IGSF5: variants seen among roughly 807,000 people sequenced by gnomAD.
The protein encoded by IGSF5 is immunoglobulin superfamily 5 like.
In IGSF5, 41 loss-of-function variants were observed where a neutral mutation model predicts 39.4. That is an observed-to-expected ratio of 1.04 (90% confidence interval 0.81 to 1.35). The LOEUF is 1.35. IGSF5 is among the 40% of genes most tolerant of loss of function. The pLI is 0.00. For missense variants in IGSF5, 487 were observed against 494.6 expected (o/e 0.98, Z 0.15); for synonymous variants, 183 against 175.3 (o/e 1.04, Z -0.34).
intron 3 of IGSF5, 79 bp downstream of exon 3, chr21:39,765,931 G>A (rs1002389501): frequency 1.3e-4 from 170 of 1,298,276 alleles, no homozygotes; most frequent in South Asian, 2.2e-4. Context: ...TTCATGCCGC[G>A]TATGATGGCA....
Position 39,793,581 on chromosome 21 carries a change from C to T in IGSF5, c.1096C>T (p.Gln366Ter), listed in dbSNP as rs2086977789. The T allele has an allele frequency of 1.9e-6, 3 of 1,614,066 alleles. No individual in the cohort carries two copies. The highest frequency in any genetic ancestry group is 2.7e-5 in the African/African-American group (2 of 75,050). Reference protein sequence around the residue: ...PKSCESSDPEQRNSSCGPPHQ... With the variant: ...PKSCESSDPE ...ATCCTGTGAATCCAGTGATCCTGAA[C>T]AAAGAAACAGTAGCTGTGGCCCTCC... The change falls in exon 8 of 9, where the codon CAA (glutamine) becomes TAA (stop). Residue 366 changes from glutamine to a stop codon, truncating the protein, a stop_gained. Transcript: ENST00000380588. LOFTEE classifies it low-confidence loss of function (END_TRUNC).
chr21:39,769,467 CAAAAAAAA>C (rs34427585), intron 3 of IGSF5, among the ~76,000 whole-genome samples: 10 of 79,832 alleles, frequency 1.3e-4, no homozygotes, highest in Middle Eastern at 7.2e-3. Context: ...AAGTCTGTCT[CAAAAAAAA>C]AAAAAAAAAA....
the IGSF5 span, among the ~76,000 whole-genome samples, chr21:39,719,778 T>A: frequency 9.8e-5 from 15 of 152,350 alleles, no homozygotes; most frequent in Admixed American, 1.3e-4. Context: ...TTTGGCTTGG[T>A]GTTCATGTGT....
chr21:39,765,920 G>A lies in IGSF5; in HGVS notation c.418+68G>A, dbSNP rs544385623. 12 of 1,431,560 alleles carry A rather than the reference G, an allele frequency of 8.4e-6. No homozygotes were observed. In the East Asian group the frequency reaches 2.9e-4, roughly 35 times the overall value. 88.7% of individuals were successfully genotyped at this position (1,431,560 alleles called of 1,614,324 possible). A position where few individuals can be genotyped will look rare whatever the true frequency, so the allele number is the denominator to read the frequency against. ...CAGAGGGCAGGAAGGACCTTCTAAAGTTCATGCCGCGTATGATGGCAGACG... is the reference window on the plus strand; with the variant it reads ...CAGAGGGCAGGAAGGACCTTCTAAAATTCATGCCGCGTATGATGGCAGACG... On this transcript the variant is annotated intron_variant, in intron 3 of 8. Coordinates refer to ENST00000380588, the MANE Select transcript of IGSF5 (RefSeq NM_001080444.2).
chr21:39,715,683 T>C, the IGSF5 span, among the ~76,000 whole-genome samples: 1 of 152,248 alleles, frequency 6.6e-6, no homozygotes, highest in African/African-American at 2.4e-5. Context: ...TCTTGTATAG[T>C]ACACAGAGTG....
chr21:39,756,003 G>T (rs1405764478), intron 2 of IGSF5, among the ~76,000 whole-genome samples: 1 of 152,008 alleles, frequency 6.6e-6, no homozygotes, highest in Non-Finnish European at 1.5e-5. Context: ...AGGCAGGAGA[G>T]TTGCTTGAAC....
At chr21:39,797,878 A>G (rs1446501524) in intron 8 of IGSF5, among the ~76,000 whole-genome samples, 10 of 152,250 alleles carry the variant, frequency 6.6e-5, no homozygotes, top group Non-Finnish European at 1.5e-4. Context: ...TTAGATCACT[A>G]TAGATGAATA....
At chr21:39,795,996 T>C (rs1408927883) in intron 8 of IGSF5, among the ~76,000 whole-genome samples, 1 of 152,174 alleles carries the variant, frequency 6.6e-6, no homozygotes, top group Non-Finnish European at 1.5e-5. Context: ...GAGGTCTATC[T>C]TTGATTATGA....
At chr21:39,781,742 T>G (rs2080171644) in intron 5 of IGSF5, among the ~76,000 whole-genome samples, 2 of 152,248 alleles carry the variant, frequency 1.3e-5, no homozygotes, top group Non-Finnish European at 2.9e-5. Context: ...GTTGAACTAC[T>G]GTTCCATCTT....
In IGSF5 at chr21:39,746,264, G is replaced by A. The variant is rs186976027; in HGVS notation, c.66G>A (p.Ala22=). The A allele has an allele frequency of 1.0e-5, 7 of 701,638 alleles. No individual in the cohort carries two copies. In the Admixed American group the frequency reaches 1.0e-4, roughly 10 times the overall value. 43.5% of individuals were successfully genotyped at this position (701,638 alleles called of 1,614,324 possible). ...LPDLEEWKSA[A]GLRWWQTAVV... ...ATCTGGAGGAATGGAAGTCAGCGGC[G>A]GGTCTGCGATGGTGGCAAACAGCAG... The change falls in exon 2 of 9, where the codon GCG becomes GCA. Residue 22 remains alanine, a synonymous_variant. Transcript: ENST00000380588.
At chr21:39,753,380 G>A (rs1458668321) in intron 2 of IGSF5, among the ~76,000 whole-genome samples, 6 of 152,172 alleles carry the variant, frequency 3.9e-5, no homozygotes, top group Admixed American at 3.9e-4. Context: ...GTACCAAGCT[G>A]TTTTGGTAAG....
intron 4 of IGSF5, among the ~76,000 whole-genome samples, 198 bp downstream of exon 4, chr21:39,771,413 AG>A (rs1239093487): frequency 2.0e-5 from 3 of 152,186 alleles, no homozygotes; most frequent in Non-Finnish European, 2.9e-5. Flanking sequence ...TCCATCTTAA[AG>A]TTTTTTTTCT....
chr21:39,742,841 C>T (rs576134207), upstream of IGSF5, among the ~76,000 whole-genome samples: 3 of 152,072 alleles, frequency 2.0e-5, no homozygotes, highest in East Asian at 1.9e-4. Flanking sequence ...TATAAAAAAG[C>T]GAGGTTGCCA....
chr21:39,759,206 T>C (rs1024620847), intron 2 of IGSF5, among the ~76,000 whole-genome samples: 3 of 152,262 alleles, frequency 2.0e-5, no homozygotes, highest in Admixed American at 2.0e-4. Flanking sequence ...GTGTGTTGCC[T>C]GCCTAAGAAA....
chr21:39,786,658 C>T (rs1027093013), intron 5 of IGSF5, among the ~76,000 whole-genome samples: 29 of 151,696 alleles, frequency 1.9e-4, no homozygotes, highest in African/African-American at 4.1e-4. Flanking sequence ...CACATGCACA[C>T]GTATGTTTAT....
At chr21:39,748,795 G>T (rs1453975042) in intron 2 of IGSF5, among the ~76,000 whole-genome samples, 1 of 135,086 alleles carries the variant, frequency 7.4e-6, no homozygotes. Flanking sequence ...TTAATGGAGT[G>T]GTTGTGGTCA....
Position 39,745,446 on chromosome 21 carries a change from T to A in IGSF5, c.-64T>A. 1.4e-6 allele frequency: 1 copy of A among 706,756 alleles called. No homozygotes were observed. The highest frequency in any genetic ancestry group is 2.6e-6 in the Non-Finnish European group (1 of 383,242). 43.8% of individuals were successfully genotyped at this position (706,756 alleles called of 1,614,324 possible). The stretch of plus-strand genomic sequence containing the variant: ...GGAGGCAGGGATCAGAGGAAGTAGA[T>A]TCAGAGGTAAGGAGAATTTTGGGGC... On this transcript the variant is annotated 5_prime_UTR_variant, in exon 1 of 9. Transcript: ENST00000380588.
In IGSF5 at chr21:39,765,768, A is replaced by G. The variant is rs1362663400; in HGVS notation, c.334A>G (p.Asn112Asp). ...CTTCACCTCGGAGATGATCATCCAC[A>G]ATGTGGAGCCCAGTGATTCGGGGAA... ...GNFTSEMIIH[N>D]VEPSDSGNIR... The change falls in exon 3 of 9, where the codon AAT becomes GAT. Residue 112 changes from asparagine to aspartate, a missense_variant. Asn to Asp is a conservative substitution (Grantham distance 23). Transcript: ENST00000380588. 6.2e-7 allele frequency: 1 copy of G among 1,614,034 alleles called. No homozygotes were observed. The highest frequency in any genetic ancestry group is 1.3e-5 in the African/African-American group (1 of 75,024).
At chr21:39,800,401 C>T (rs778284360) in intron 8 of IGSF5, among the ~76,000 whole-genome samples, 10 of 152,100 alleles carry the variant, frequency 6.6e-5, no homozygotes, top group South Asian at 2.1e-4. Context: ...TAGAAAACAG[C>T]GATGTTTGCA....
Sources: gnomAD v4.1 joint callset for allele counts (sites outside exome capture counted in the v4.1 genomes callset) on GRCh38, gnomAD v4.1.1 for gene constraint, MANE v1.5 for transcripts, NCBI Gene and HGNC (gene_info 2026-07-23, HGNC 2026-07-21) for gene names.